The following ST3GAL2 variants were observed in gnomAD, a reference collection of about 807,000 sequenced individuals.
ST3GAL2 encodes the protein CMP-N-acetylneuraminate-beta-galactosamide-alpha-2,3-sialyltransferase 2.
A neutral mutation model predicts 37.5 loss-of-function variants in ST3GAL2; 16 were observed. That is an observed-to-expected ratio of 0.43 (90% CI 0.29 to 0.65). The LOEUF is 0.65. Among genes scored for constraint, ST3GAL2 ranks in the 30% least tolerant of loss-of-function variants. ST3GAL2 has a pLI of 0.17. For missense variants in ST3GAL2, 383 were observed against 487.8 expected, an observed-to-expected ratio of 0.79 and a Z score of 2.02; for synonymous variants, 238 against 202.9, an observed-to-expected ratio of 1.17 and a Z score of -1.47.
intron 1 of ST3GAL2, among the ~76,000 whole-genome samples, chr16:70,410,143 G>A (rs1391081149): frequency 6.7e-6 from 1 of 149,872 alleles, no homozygotes; most frequent in Non-Finnish European, 1.5e-5. Flanking sequence ...ATTTCACTTG[G>A]AGTTATGTTA....
At chr16:70,415,252 G>A (rs1376884513) in intron 1 of ST3GAL2, among the ~76,000 whole-genome samples, 1 of 151,408 alleles carries the variant, frequency 6.6e-6, no homozygotes, top group Non-Finnish European at 1.5e-5. Context: ...TTAGGGATGA[G>A]CTGCCCCAGG....
intron 4 of ST3GAL2, among the ~76,000 whole-genome samples, chr16:70,385,221 C>G (rs1017332825): frequency 2.0e-5 from 3 of 152,028 alleles, no homozygotes; most frequent in African/African-American, 7.2e-5. Flanking sequence ...AGGAGAATCG[C>G]TTGAACCCAG....
In ST3GAL2 at chr16:70,437,877, C is replaced by T. The variant is rs184386406; in HGVS notation, c.-1004+1072G>A. 2.1e-3 allele frequency among the ~76,000 whole-genome samples: 320 copies of T among 152,274 alleles called. 9 individuals are homozygous for T. The highest frequency in any genetic ancestry group is 0.02 in the Admixed American group (308 of 15,302). ...AGCTTCCAAACATCCGTCCCAAAGA[C>T]GAGGCGGGAGTGTGTTACTGGCCAG... On this transcript the variant is annotated intron_variant, in intron 1 of 6. Coordinates refer to ENST00000342907, the MANE Select transcript of ST3GAL2 (RefSeq NM_006927.4).
chr16:70,398,886 T>C lies in ST3GAL2; in HGVS notation c.-356A>G, dbSNP rs1385271451. 7 of 470,830 alleles carry C rather than the reference T, an allele frequency of 1.5e-5. No homozygotes were observed. Among genetic ancestry groups the C allele is most frequent in the African/African-American group, 3.9e-5 (2 of 51,306 alleles). 29.2% of individuals were successfully genotyped at this position (470,830 alleles called of 1,614,324 possible). A position where few individuals can be genotyped will look rare whatever the true frequency, so the allele number is the denominator to read the frequency against. ...CCTTGGGATTGCTGGCTGCCAGCTC[T>C]AGGGGTCCCCCTCTTTGGCGGCTTG... On this transcript the variant is annotated 5_prime_UTR_variant, in exon 2 of 7. The change abolishes the stop of an existing upstream ORF in the 5' untranslated region. Coordinates refer to ENST00000342907, the MANE Select transcript of ST3GAL2 (RefSeq NM_006927.4).
At chr16:70,427,010 G>A (rs2047756465) in intron 1 of ST3GAL2, among the ~76,000 whole-genome samples, 2 of 152,054 alleles carry the variant, frequency 1.3e-5, no homozygotes, top group African/African-American at 4.8e-5. Context: ...ACCATTCCCA[G>A]CTACTTTTTA....
rs977108925 is a variant in ST3GAL2 at position 70,431,684 on chromosome 16, C to T, written c.-1004+7265G>A. Among the ~76,000 whole-genome samples the T allele has an allele frequency of 2.4e-4, 36 of 149,592 alleles. 1 individual carries two copies. The highest frequency in any genetic ancestry group is 8.8e-4 in the African/African-American group (35 of 39,554). On this transcript the variant is annotated intron_variant, in intron 1 of 6. Transcript: ENST00000342907. ...CTTTAAAAAAAAAAAAAAAAATTGG[C>T]CAGGTGCAGTGGCTCACCTCTGTAA...
At chr16:70,408,017 TACAC>T (rs973318552) in intron 1 of ST3GAL2, among the ~76,000 whole-genome samples, 32 of 151,994 alleles carry the variant, frequency 2.1e-4, no homozygotes, top group Admixed American at 6.6e-5. Context: ...TCCACCCACT[TACAC>T]ACAGCCTGAG....
chr16:70,428,925 G>A (rs1260606063), intron 1 of ST3GAL2, among the ~76,000 whole-genome samples: 1 of 152,158 alleles, frequency 6.6e-6, no homozygotes, highest in Non-Finnish European at 1.5e-5. Context: ...GGAGAACTTG[G>A]CAAATAAAAA....
At chr16:70,435,370 C>T (rs1224414175) in intron 1 of ST3GAL2, among the ~76,000 whole-genome samples, 4 of 152,028 alleles carry the variant, frequency 2.6e-5, no homozygotes, top group Non-Finnish European at 5.9e-5. Flanking sequence ...CTCCAGCGGG[C>T]GGATCACCTG....
chr16:70,388,236 G>A, intron 4 of ST3GAL2, 131 bp downstream of exon 4: 1 of 1,155,740 alleles, frequency 8.7e-7, no homozygotes, highest in Non-Finnish European at 1.2e-6. Flanking sequence ...CACCAACTTA[G>A]GCCCTCCCTT....
chr16:70,415,586 G>C (rs1216145907), intron 1 of ST3GAL2, among the ~76,000 whole-genome samples: 2 of 151,558 alleles, frequency 1.3e-5, no homozygotes, highest in Non-Finnish European at 2.9e-5. Flanking sequence ...TGAGTAGCTG[G>C]GACTACCGGA....
intron 1 of ST3GAL2, among the ~76,000 whole-genome samples, chr16:70,414,138 T>G (rs1242657646): frequency 6.6e-6 from 1 of 152,232 alleles, no homozygotes; most frequent in Non-Finnish European, 1.5e-5. Flanking sequence ...CTGGATGAAT[T>G]GGATTTAACT....
Position 70,378,693 on chromosome 16 carries a change from C to CA in ST3GAL2, c.*2995dup, listed in dbSNP as rs2047370974. On this transcript the variant is annotated 3_prime_UTR_variant, in exon 7 of 7. Transcript: ENST00000342907. Reference sequence around the variant, plus strand: ...CTCCAGCCTGGGCGAGAGTGAGAATCAGTCTCAAAAAAAAAAAATCGGCCA... The same window carrying CA: ...CTCCAGCCTGGGCGAGAGTGAGAATCAAGTCTCAAAAAAAAAAAATCGGCCA... 1.4e-5 allele frequency: 2 copies of CA among 145,612 alleles called. No homozygotes were observed. The highest frequency in any genetic ancestry group is 7.0e-5 in the Admixed American group (1 of 14,376). 9.0% of individuals were successfully genotyped at this position (145,612 alleles called of 1,614,324 possible). A position where few individuals can be genotyped will look rare whatever the true frequency, so the allele number is the denominator to read the frequency against.
Position 70,398,397 on chromosome 16 carries a change from G to T in ST3GAL2, c.134C>A (p.Thr45Lys), listed in dbSNP as rs374278069. 1 of 1,613,526 alleles carries T rather than the reference G, an allele frequency of 6.2e-7. No homozygotes were observed. Among genetic ancestry groups the T allele is most frequent in the Non-Finnish European group, 8.5e-7 (1 of 1,180,010 alleles). The change falls in exon 2 of 7, where the codon ACG becomes AAG. Residue 45 changes from threonine to lysine, a missense_variant. By Grantham distance (78) the Thr-to-Lys change is moderately conservative. Coordinates refer to ENST00000342907, the MANE Select transcript of ST3GAL2 (RefSeq NM_006927.4). Reference protein sequence around the residue: ...PYLDSGALDGTHRVKLVPGYA... With the variant: ...PYLDSGALDGKHRVKLVPGYA... ...GCCGGGCACCAGCTTCACCCGGTGC[G>T]TCCCATCCAGGGCCCCTGAGTCCAG... is the stretch of plus-strand genomic sequence containing the variant.
In ST3GAL2 at chr16:70,381,459, C is replaced by T. The variant is rs2047403497; in HGVS notation, c.*230G>A. On this transcript the variant is annotated 3_prime_UTR_variant, in exon 7 of 7. Transcript: ENST00000342907. ...ATTGATTGGAGGAGACTGGACACAG[C>T]GCCGGAAGTTTTCCTTGAGTCACAT... The T allele has an allele frequency of 3.5e-6, 2 of 577,622 alleles. No individual in the cohort carries two copies. The highest frequency in any genetic ancestry group is 3.8e-5 in the African/African-American group (2 of 52,964). 35.8% of individuals were successfully genotyped at this position (577,622 alleles called of 1,614,324 possible).
intron 1 of ST3GAL2, among the ~76,000 whole-genome samples, chr16:70,410,150 G>A (rs1425337111): frequency 7.1e-6 from 1 of 140,996 alleles, no homozygotes; most frequent in Non-Finnish European, 1.5e-5. Flanking sequence ...TTGGAGTTAT[G>A]TTACTATCTT....
At chr16:70,407,689 A>C (rs1388849445) in intron 1 of ST3GAL2, among the ~76,000 whole-genome samples, 1 of 152,186 alleles carries the variant, frequency 6.6e-6, no homozygotes, top group African/African-American at 2.4e-5. Context: ...CCTCACCAGC[A>C]CGCAGGTAAA....
intron 1 of ST3GAL2, among the ~76,000 whole-genome samples, chr16:70,401,762 GT>G (rs1265679278): frequency 6.6e-6 from 1 of 152,086 alleles, no homozygotes; most frequent in Non-Finnish European, 1.5e-5. Flanking sequence ...GGAGCCTGAG[GT>G]GGGTGTATCA....
intron 1 of ST3GAL2, among the ~76,000 whole-genome samples, chr16:70,429,085 G>A (rs1597577198): frequency 6.6e-6 from 1 of 152,204 alleles, no homozygotes; most frequent in East Asian, 1.9e-4. Flanking sequence ...CAGGGGAACT[G>A]AGCACAGCCC....
Sources: allele counts gnomAD v4.1 joint callset (sites outside exome capture counted in the v4.1 genomes callset), GRCh38; gene constraint gnomAD v4.1.1; transcripts MANE v1.5; gene names NCBI Gene and HGNC (gene_info 2026-07-23, HGNC 2026-07-21).